The following GLB1 variants were observed in gnomAD, a reference collection of about 807,000 sequenced individuals.
The protein encoded by GLB1 is galactosidase beta 1.
In GLB1, 56 loss-of-function variants were observed where a neutral mutation model predicts 74.0. That is an observed-to-expected ratio of 0.76 (90% CI 0.61 to 0.94). The LOEUF is 0.94. Among genes scored for constraint, GLB1 ranks in the 40% least tolerant of loss-of-function variants. The pLI, the probability that GLB1 is intolerant of heterozygous loss-of-function variation, is 0.00. For missense variants in GLB1, 787 were observed against 845.5 expected (o/e 0.93, Z 0.86); for synonymous variants, 323 against 323.6 (o/e 1.00, Z 0.02).
chr3:33,025,354 T>C (rs1360495939), intron 10 of GLB1, among the ~76,000 whole-genome samples: 1 of 152,222 alleles, frequency 6.6e-6, no homozygotes, highest in Non-Finnish European at 1.5e-5. Context: ...TCTGGACATA[T>C]ACACATGCAC....
chr3:32,976,366 C>T, the GLB1 span, among the ~76,000 whole-genome samples: 14 of 152,348 alleles, frequency 9.2e-5, no homozygotes, highest in African/African-American at 3.1e-4. Flanking sequence ...ACTCTTTCCC[C>T]TCCATGGCTG....
chr3:33,096,164 T>C (rs1398294412), intron 1 of GLB1, among the ~76,000 whole-genome samples: 1 of 152,128 alleles, frequency 6.6e-6, no homozygotes, highest in African/African-American at 2.4e-5. Context: ...GAACCAAAGT[T>C]GGTCCGCGGA....
chr3:33,015,225 G>A (rs1266263209), intron 14 of GLB1, among the ~76,000 whole-genome samples: 3 of 152,156 alleles, frequency 2.0e-5, no homozygotes, highest in Non-Finnish European at 2.9e-5. Flanking sequence ...ACTGCGGATG[G>A]AGCAGGTACG....
chr3:32,982,697 C>A, the GLB1 span, among the ~76,000 whole-genome samples: 1 of 152,134 alleles, frequency 6.6e-6, no homozygotes, highest in African/African-American at 2.4e-5. Context: ...TACATTTATA[C>A]ACAGGTTTAC....
chr3:32,974,524 A>T, the GLB1 span, among the ~76,000 whole-genome samples: 1 of 152,156 alleles, frequency 6.6e-6, no homozygotes, highest in Admixed American at 6.5e-5. Flanking sequence ...TAAATATCAT[A>T]AAAAATTTGC....
intron 5 of GLB1, among the ~76,000 whole-genome samples, chr3:33,060,866 A>G (rs1342348043): frequency 6.6e-6 from 1 of 152,116 alleles, no homozygotes; most frequent in East Asian, 1.9e-4. Flanking sequence ...ATGGGTTATC[A>G]TGAGGATTAA....
rs1200811171 is a variant in GLB1, at chr3:33,018,435, A to C, written c.1347+13T>G. The stretch of plus-strand genomic sequence containing the variant: ...CACTGGGACAAAACGCACAGTTCAG[A>C]GACGATTCTTACCCCATCCACAGCA... On this transcript the variant is annotated intron_variant, in intron 13 of 15. Transcript: ENST00000307363. 1.2e-5 allele frequency: 20 copies of C among 1,613,676 alleles called. No individual in the cohort carries two copies. The highest frequency in any genetic ancestry group is 1.6e-5 in the Non-Finnish European group (19 of 1,179,866).
At chr3:33,071,616 G>A (rs1171824451) in intron 2 of GLB1, among the ~76,000 whole-genome samples, 1 of 152,118 alleles carries the variant, frequency 6.6e-6, no homozygotes, top group Non-Finnish European at 1.5e-5. Context: ...ATGGCACCTT[G>A]GCATGCTAAG....
In GLB1 at chr3:33,046,119, C is replaced by T. The variant is rs1698730213; in HGVS notation, c.1068+1G>A. On this transcript the variant is annotated splice_donor_variant, in intron 10 of 15. Coordinates refer to ENST00000307363, the MANE Select transcript of GLB1 (RefSeq NM_000404.4). LOFTEE classifies it high-confidence loss of function. ...CACCACAGCTCATACAAAGCACCCA[C>T]CTTCTGGATGATGTTTCGCAGAGCA... 6.2e-7 allele frequency: 1 copy of T among 1,612,414 alleles called. No homozygotes were observed. The highest frequency in any genetic ancestry group is 1.3e-5 in the African/African-American group (1 of 74,864).
At chr3:33,068,167 G>A (rs1326803499) in intron 4 of GLB1, 63 bp downstream of exon 4, 23 of 1,609,152 alleles carry the variant, frequency 1.4e-5, no homozygotes, top group East Asian at 2.2e-5. Context: ...GATTACAGGC[G>A]TGAGCCACCG....
chr3:33,092,938 C>A (rs1700832382), intron 1 of GLB1: 1 of 1,614,172 alleles, frequency 6.2e-7, no homozygotes, highest in Non-Finnish European at 8.5e-7. Flanking sequence ...ACGAATGTAG[C>A]CTGGGCCACC....
chr3:32,962,280 G>A, the GLB1 span, among the ~76,000 whole-genome samples: 1 of 152,104 alleles, frequency 6.6e-6, no homozygotes, highest in East Asian at 1.9e-4. Flanking sequence ...ATCAGAAAAA[G>A]GACATTAGCT....
chr3:32,997,246 C>T lies in GLB1; in HGVS notation c.1833G>A (p.Ser611=), dbSNP rs201755284. ...CCAGCACGGTGATGGTGTTTGGGGC[C>T]GAGGTCATCAGGATGTGCTGGGGCA... ...LFVPQHILMT[S]APNTITVLEL... The change falls in exon 16 of 16, where the codon TCG becomes TCA. Residue 611 remains serine, a synonymous_variant. Transcript: ENST00000307363. 1.4e-4 allele frequency: 218 copies of T among 1,614,120 alleles called. No individual in the cohort carries two copies. The African/African-American group carries it at 2.1e-3, about 16-fold the overall frequency.
At chr3:33,043,162 T>A (rs1032805297) in intron 10 of GLB1, among the ~76,000 whole-genome samples, 2 of 152,216 alleles carry the variant, frequency 1.3e-5, no homozygotes, top group Admixed American at 6.5e-5. Flanking sequence ...TGATTAATTT[T>A]AAACTATTAC....
intron 13 of GLB1, 37 bp from the exon 14 acceptor site, chr3:33,016,877 G>A (rs375870036): frequency 1.2e-6 from 2 of 1,610,184 alleles, no homozygotes; most frequent in African/African-American, 1.3e-5. Flanking sequence ...TTGAATTGAG[G>A]GTAAGAAGGT....
At chr3:33,021,021 T>A (rs907696610) in intron 12 of GLB1, among the ~76,000 whole-genome samples, 1 of 147,784 alleles carries the variant, frequency 6.8e-6, no homozygotes. Context: ...CAAAACAAAA[T>A]GCTGGGAAAA....
intron 1 of GLB1, among the ~76,000 whole-genome samples, chr3:33,073,667 G>C (rs939034113): frequency 1.3e-5 from 2 of 151,950 alleles, no homozygotes; most frequent in African/African-American, 2.4e-5. Flanking sequence ...CAGCCTGGGC[G>C]ACAGAGCGAG....
chr3:33,088,811 C>A (rs1295728670), intron 1 of GLB1, among the ~76,000 whole-genome samples: 5 of 152,132 alleles, frequency 3.3e-5, no homozygotes, highest in African/African-American at 1.2e-4. Flanking sequence ...GGAATCTCAA[C>A]AGACACCAAA....
chr3:33,007,287 A>G (rs1052835267), intron 15 of GLB1, among the ~76,000 whole-genome samples: 1 of 152,208 alleles, frequency 6.6e-6, no homozygotes, highest in African/African-American at 2.4e-5. Context: ...GAGCTGCACA[A>G]CCATTACCAA....
Sources: gnomAD v4.1 joint callset for allele counts (sites outside exome capture counted in the v4.1 genomes callset) on GRCh38, gnomAD v4.1.1 for gene constraint, MANE v1.5 for transcripts, NCBI Gene and HGNC (gene_info 2026-07-23, HGNC 2026-07-21) for gene names.